Variants in SCGB2B2 observed in about 807,000 individuals in gnomAD.
The protein encoded by SCGB2B2 is secretoglobin-like protein.
A neutral mutation model predicts 7.6 loss-of-function variants in SCGB2B2; 11 were observed. The observed-to-expected ratio is 1.45, with a 90% CI of 0.91 to 2.40. The LOEUF (loss-of-function observed/expected upper bound fraction) is 2.40. SCGB2B2 is among the 30% of genes most tolerant of loss of function. SCGB2B2 has a pLI of 0.00. For missense variants in SCGB2B2, 104 were observed against 115.4 expected (o/e 0.90, Z 0.45); for synonymous variants, 50 against 48.6 (o/e 1.03, Z -0.12).
At chr19:34,668,605 C>T (rs1244842881) in intron 1 of SCGB2B2, among the ~76,000 whole-genome samples, 1 of 152,240 alleles carries the variant, frequency 6.6e-6, no homozygotes, top group Non-Finnish European at 1.5e-5. Context: ...GCCACCTGGG[C>T]TCCTGAGTCT....
At chr19:34,599,803 T>A (rs1240369351) in intron 1 of SCGB2B2, among the ~76,000 whole-genome samples, 1 of 152,004 alleles carries the variant, frequency 6.6e-6, no homozygotes, top group Non-Finnish European at 1.5e-5. Context: ...TCCTTCTCCA[T>A]TTCTCCCCTT....
intron 1 of SCGB2B2, among the ~76,000 whole-genome samples, chr19:34,658,633 C>A (rs2067351071): frequency 6.6e-6 from 1 of 151,948 alleles, no homozygotes; most frequent in South Asian, 2.1e-4. Flanking sequence ...AAAAAAAGTC[C>A]AGGATCAGAT....
At chr19:34,661,661 T>C (rs983850185) in intron 1 of SCGB2B2, among the ~76,000 whole-genome samples, 13 of 152,194 alleles carry the variant, frequency 8.5e-5, no homozygotes, top group African/African-American at 2.9e-4. Context: ...TATGGGGCAC[T>C]TGGTTGTTGA....
At chr19:34,626,099 C>A (rs1265716838) in intron 1 of SCGB2B2, among the ~76,000 whole-genome samples, 1 of 152,138 alleles carries the variant, frequency 6.6e-6, no homozygotes, top group East Asian at 1.9e-4. Flanking sequence ...ACACCAAAAC[C>A]CCATCTGTAC....
intron 1 of SCGB2B2, among the ~76,000 whole-genome samples, chr19:34,596,812 G>A (rs1024051103): frequency 3.9e-5 from 6 of 151,964 alleles, no homozygotes; most frequent in African/African-American, 1.4e-4. Context: ...CAGTGGGGCT[G>A]AGCAGCAGAG....
chr19:34,650,526 G>A (rs921268115), intron 1 of SCGB2B2, among the ~76,000 whole-genome samples: 2 of 151,044 alleles, frequency 1.3e-5, no homozygotes, highest in African/African-American at 2.5e-5. Context: ...TAAATTCCTG[G>A]AAAAATATAA....
intron 1 of SCGB2B2, among the ~76,000 whole-genome samples, chr19:34,658,596 G>C (rs1012430085): frequency 4.6e-5 from 7 of 152,182 alleles, no homozygotes; most frequent in African/African-American, 1.7e-4. Context: ...TTCTGAAATT[G>C]AGGCAATAAT....
intron 1 of SCGB2B2, chr19:34,640,526 C>T (rs1418270139): frequency 2.0e-5 from 3 of 152,106 alleles, no homozygotes; most frequent in East Asian, 3.9e-4. Context: ...TAAAAGGTGG[C>T]TATTTCTTTA....
At chr19:34,630,917 T>C (rs968240262) in intron 1 of SCGB2B2, among the ~76,000 whole-genome samples, 14 of 151,824 alleles carry the variant, frequency 9.2e-5, no homozygotes, top group Admixed American at 2.0e-4. Flanking sequence ...ATATACACCA[T>C]GGAATACTAT....
chr19:34,629,731 C>A (rs2066475470), intron 1 of SCGB2B2, among the ~76,000 whole-genome samples: 1 of 152,148 alleles, frequency 6.6e-6, no homozygotes, highest in East Asian at 1.9e-4. Flanking sequence ...CTCCATCAAG[C>A]TACCAATGAC....
intron 1 of SCGB2B2, among the ~76,000 whole-genome samples, chr19:34,652,491 G>C (rs1190769324): frequency 6.6e-6 from 1 of 151,314 alleles, no homozygotes; most frequent in Non-Finnish European, 1.5e-5. Flanking sequence ...GGATAAATTA[G>C]CTGAATAAAC....
intron 1 of SCGB2B2, chr19:34,635,147 G>C (rs1161877703): frequency 3.4e-6 from 1 of 298,212 alleles, no homozygotes; most frequent in Admixed American, 3.7e-5. Context: ...CCATAGCTTT[G>C]TCTAAAGGAT....
chr19:34,606,861 T>C (rs996319540), intron 1 of SCGB2B2, among the ~76,000 whole-genome samples: 20 of 151,944 alleles, frequency 1.3e-4, no homozygotes, highest in African/African-American at 4.6e-4. Flanking sequence ...TTCAGTACTA[T>C]GCATAGGTTC....
At chr19:34,627,682 A>G (rs1048591954) in intron 1 of SCGB2B2, among the ~76,000 whole-genome samples, 8 of 152,224 alleles carry the variant, frequency 5.3e-5, no homozygotes, top group Non-Finnish European at 1.0e-4. Context: ...ACTTTAACAA[A>G]CATCCCACTG....
chr19:34,628,064 T>C (rs1425491606), intron 1 of SCGB2B2, among the ~76,000 whole-genome samples: 3 of 152,156 alleles, frequency 2.0e-5, no homozygotes, highest in Admixed American at 1.3e-4. Context: ...AGATGTTCTT[T>C]GAAACCAACG....
At chr19:34,611,008 G>T (rs2145838748) in intron 1 of SCGB2B2, among the ~76,000 whole-genome samples, 1 of 152,100 alleles carries the variant, frequency 6.6e-6, no homozygotes, top group East Asian at 1.9e-4. Flanking sequence ...ACTTGCAATT[G>T]CTCAATTCAG....
intron 1 of SCGB2B2, among the ~76,000 whole-genome samples, chr19:34,660,502 G>A (rs1009551579): frequency 3.3e-5 from 5 of 152,176 alleles, no homozygotes; most frequent in African/African-American, 1.2e-4. Context: ...CTCAAAAGAA[G>A]ACATTTATGC....
intron 1 of SCGB2B2, among the ~76,000 whole-genome samples, chr19:34,671,354 T>TA (rs2067797813): frequency 6.6e-6 from 1 of 152,388 alleles, no homozygotes; most frequent in East Asian, 1.9e-4. Context: ...TCTTAATCTA[T>TA]ATTTTTGCTA....
chr19:34,625,766 G>C (rs747383507), intron 1 of SCGB2B2, among the ~76,000 whole-genome samples: 20 of 152,228 alleles, frequency 1.3e-4, no homozygotes, highest in Non-Finnish European at 2.4e-4. Flanking sequence ...GCTTTGAAGA[G>C]AGTAGTGGTT....
Sources: allele counts gnomAD v4.1 joint callset (sites outside exome capture counted in the v4.1 genomes callset), GRCh38; gene constraint gnomAD v4.1.1; transcripts MANE v1.5; gene names NCBI Gene and HGNC (gene_info 2026-07-23, HGNC 2026-07-21).